Variants in HTR3C observed in about 807,000 individuals in gnomAD.
HTR3C encodes 5-HT3-C.
Under a neutral mutation model 40.5 loss-of-function variants are expected in HTR3C, and 32 were observed. That is an observed-to-expected ratio of 0.79 (90% CI 0.60 to 1.06). The LOEUF (loss-of-function observed/expected upper bound fraction) is 1.06. Among genes scored for constraint, HTR3C ranks in the 50% least tolerant of loss-of-function variants. HTR3C has a pLI of 0.00. For missense variants in HTR3C, 523 were observed against 556.8 expected, an observed-to-expected ratio of 0.94 and a Z score of 0.61; for synonymous variants, 209 against 217.1, an observed-to-expected ratio of 0.96 and a Z score of 0.33.
In HTR3C at chr3:184,058,423, C is replaced by T. The variant is rs759458608; in HGVS notation, c.560-4C>T. On this transcript the variant is annotated splice_polypyrimidine_tract_variant and splice_region_variant and intron_variant, in intron 5 of 8. Transcript: ENST00000318351. The stretch of plus-strand genomic sequence containing the variant: ...TGCAATGAACTGACCGGCCTCCCTT[C>T]CAGTGGACAGCATGCTGCTGGGCAT... 1.1e-5 allele frequency: 18 copies of T among 1,599,972 alleles called. No homozygotes were observed. The highest frequency in any genetic ancestry group is 1.5e-5 in the Non-Finnish European group (18 of 1,174,864).
In HTR3C at chr3:184,059,857, A is replaced by G; in HGVS notation, c.955A>G (p.Met319Val). 6.2e-7 allele frequency: 1 copy of G among 1,613,956 alleles called. No homozygotes were observed. The highest frequency in any genetic ancestry group is 8.5e-7 in the Non-Finnish European group (1 of 1,179,992). ...SVYFALCLSL[M>V]VVSLLETVFI... ...CTACTTCGCCCTGTGCCTGTCCCTGATGGTGGTCAGCCTGCTGGAGACCGT... is the reference window on the plus strand; with the variant it reads ...CTACTTCGCCCTGTGCCTGTCCCTGGTGGTGGTCAGCCTGCTGGAGACCGT... Residue 319 changes from methionine (M) to valine (V), a missense_variant, in exon 8 of 9, where the codon ATG becomes GTG. Transcript: ENST00000318351.
intron 3 of HTR3C, 36 bp from the exon 4 acceptor site, chr3:184,056,141 C>T (rs768906326): frequency 2.4e-5 from 33 of 1,364,016 alleles, no homozygotes; most frequent in Middle Eastern, 3.6e-4. Flanking sequence ...ACAAGCTCAC[C>T]GTCACTCACC....
rs1473419613 is a variant in HTR3C at position 184,054,704 on chromosome 3, G to T, written c.68-17G>T. The stretch of plus-strand genomic sequence containing the variant: ...GGAAATAGAGTCCCTCTCTCACGGA[G>T]TCTCTGCTCTCTATAGGAAGAGGCG... On this transcript the variant is annotated splice_polypyrimidine_tract_variant and intron_variant, in intron 1 of 8. Coordinates refer to ENST00000318351, the MANE Select transcript of HTR3C (RefSeq NM_130770.3). The T allele has an allele frequency of 6.4e-7, 1 of 1,556,164 alleles. No homozygotes were observed. The highest frequency in any genetic ancestry group is 1.4e-5 in the African/African-American group (1 of 72,496).
chr3:184,053,072 G>T lies in HTR3C; in HGVS notation c.-9G>T. 6.2e-7 allele frequency: 1 copy of T among 1,611,902 alleles called. No homozygotes were observed. ...TGGTGAATCCCCAGAGAAGAGTCCA[G>T]AAAGAAGAATGGAAGGAGGGTGGCC... On this transcript the variant is annotated 5_prime_UTR_variant, in exon 1 of 9. Coordinates refer to ENST00000318351, the MANE Select transcript of HTR3C (RefSeq NM_130770.3).
chr3:184,057,787 C>T (rs970774356), intron 5 of HTR3C, among the ~76,000 whole-genome samples: 3 of 152,098 alleles, frequency 2.0e-5, no homozygotes, highest in Non-Finnish European at 1.5e-5. Flanking sequence ...GCCTAATAAG[C>T]GCACATCACC....
chr3:184,056,299 G>T lies in HTR3C; in HGVS notation c.389+13G>T. Reference sequence around the variant, plus strand: ...TCATCGTGGAATCGTGCGTATGCAGGCTGGGGAAGCCAGCGTGAAACCTCA... The same window carrying T: ...TCATCGTGGAATCGTGCGTATGCAGTCTGGGGAAGCCAGCGTGAAACCTCA... On this transcript the variant is annotated intron_variant, in intron 4 of 8. Coordinates refer to ENST00000318351, the MANE Select transcript of HTR3C (RefSeq NM_130770.3). The T allele has an allele frequency of 6.3e-7, 1 of 1,575,636 alleles. No individual in the cohort carries two copies. The highest frequency in any genetic ancestry group is 8.7e-7 in the Non-Finnish European group (1 of 1,145,106).
At chr3:184,055,884 C>CAAAAAAAAAAAAAAAAAAAAAA (rs71185686) in intron 3 of HTR3C, among the ~76,000 whole-genome samples, 1 of 30,710 alleles carries the variant, frequency 3.3e-5, no homozygotes, top group Non-Finnish European at 5.6e-5. Flanking sequence ...AATAGCAACT[C>CAAAAAAAAAAAAAAAAAAAAAA]AAAAAAAAAA....
At chr3:184,055,499 A>C in intron 3 of HTR3C, 143 bp downstream of exon 3, 1 of 637,658 alleles carries the variant, frequency 1.6e-6, no homozygotes. Flanking sequence ...GGATCACCTG[A>C]GGTCAGGAGT....
Position 184,056,103 on chromosome 3 carries a change from A to G in HTR3C, c.280-74A>G, listed in dbSNP as rs531827499. On this transcript the variant is annotated intron_variant, in intron 3 of 8. Transcript: ENST00000318351. ...GTGGGAGGATCAAGGTTTAAAGAAG[A>G]ATGGAAAGGGTGGGAGAGGCCGACA... 2.3e-4 allele frequency: 208 copies of G among 910,254 alleles called. 3 individuals are homozygous for G. In the South Asian group the frequency reaches 2.7e-3, roughly 12 times the overall value. 56.4% of individuals were successfully genotyped at this position (910,254 alleles called of 1,614,324 possible). A position where few individuals can be genotyped will look rare whatever the true frequency, so the allele number is the denominator to read the frequency against.
Position 184,060,421 on chromosome 3 carries a change from T to A in HTR3C, c.*69T>A, listed in dbSNP as rs1723425153. On this transcript the variant is annotated 3_prime_UTR_variant, in exon 9 of 9. Coordinates refer to ENST00000318351, the MANE Select transcript of HTR3C (RefSeq NM_130770.3). The stretch of plus-strand genomic sequence containing the variant: ...GCTGGTCTTGGGCCAGCCGGACTCA[T>A]TTTCCTAATCTTAGCCACTTATCCC... The A allele has an allele frequency of 2.5e-6, 4 of 1,597,636 alleles. No homozygotes were observed. The highest frequency in any genetic ancestry group is 3.4e-6 in the Non-Finnish European group (4 of 1,165,968).
At chr3:184,057,936 A>C (rs1220394144) in intron 5 of HTR3C, among the ~76,000 whole-genome samples, 1 of 152,098 alleles carries the variant, frequency 6.6e-6, no homozygotes, top group East Asian at 1.9e-4. Context: ...GCACACCTAT[A>C]ATTTTTAGCT....
At chr3:184,056,797 C>A in intron 4 of HTR3C, 78 bp from the exon 5 acceptor site, 2 of 1,257,236 alleles carry the variant, frequency 1.6e-6, no homozygotes, top group South Asian at 1.8e-5. Context: ...AGAAGGAGAG[C>A]ACAGCAGGGG....
rs144723102 is a variant in HTR3C, at chr3:184,056,266, A to T, written c.369A>T (p.Pro123=). 195 of 1,612,712 alleles carry T rather than the reference A, an allele frequency of 1.2e-4. No individual in the cohort carries two copies. The highest frequency in any genetic ancestry group is 1.6e-4 in the Middle Eastern group (1 of 6,080). The part of the protein sequence containing the change: ...LTVLAENLWL[P]DIFIVESMDV... ...TATTAGCTGAAAACCTGTGGCTCCC[A>T]GACATCTTCATCGTGGAATCGTGCG... The change falls in exon 4 of 9, where the codon CCA becomes CCT. Residue 123 remains proline, a synonymous_variant. Transcript: ENST00000318351.
intron 6 of HTR3C, among the ~76,000 whole-genome samples, chr3:184,059,015 G>T (rs1272026632): frequency 1.3e-5 from 2 of 152,074 alleles, no homozygotes; most frequent in South Asian, 2.1e-4. Flanking sequence ...TTGGGCACCT[G>T]CTCCCCACTG....
rs1211859897 is a variant in HTR3C at position 184,055,339 on chromosome 3, T to C, written c.262T>C (p.Phe88Leu). The stretch of plus-strand genomic sequence containing the variant: ...TGCACAGCTCCAGCTGCTGACATCA[T>C]TCCTGTGGATGGATTTGGTAAGGCA... The part of the protein sequence containing the change: ...VDAQLQLLTS[F>L]LWMDLVWDNP... Residue 88 changes from phenylalanine (F) to leucine (L), a missense_variant, in exon 3 of 9, where the codon TTC (phenylalanine) becomes CTC (leucine). By Grantham distance (22) the Phe-to-Leu change is conservative (BLOSUM62 0). Transcript: ENST00000318351. The C allele has an allele frequency of 1.2e-6, 2 of 1,608,420 alleles. No homozygotes were observed. Among genetic ancestry groups the C allele is most frequent in the Non-Finnish European group, 1.7e-6 (2 of 1,174,776 alleles).
Position 184,053,154 on chromosome 3 carries a change from TG to T in HTR3C, c.67+10del, listed in dbSNP as rs1560079928. On this transcript the variant is annotated splice_region_variant and intron_variant, in intron 1 of 8. Transcript: ENST00000318351. ...GTCAGTCTTCTGCTTCAAGGTAAGA[TG>T]GGACGAGAACAGGGAAGACCAGAGT... The T allele has an allele frequency of 1.2e-6, 2 of 1,612,276 alleles. No individual in the cohort carries two copies. The highest frequency in any genetic ancestry group is 2.2e-5 in the South Asian group (2 of 91,042).
chr3:184,054,672 C>T, intron 1 of HTR3C, 49 bp from the exon 2 acceptor site: 3 of 1,469,890 alleles, frequency 2.0e-6, no homozygotes, highest in Non-Finnish European at 2.7e-6. Flanking sequence ...AGAGAGACTC[C>T]AGCCCTGGAA....
In HTR3C at chr3:184,054,879, C is replaced by G. The variant is rs757783719; in HGVS notation, c.226C>G (p.Leu76Val). 3.1e-6 allele frequency: 5 copies of G among 1,604,420 alleles called. No individual in the cohort carries two copies. The African/African-American group carries it at 6.7e-5, about 22-fold the overall frequency. ...CATCTCCTTCACCCTGTCTGCCATCCTGGGAGTGGTGAGACTTAGTCCCTG... is the reference window on the plus strand; with the variant it reads ...CATCTCCTTCACCCTGTCTGCCATCGTGGGAGTGGTGAGACTTAGTCCCTG... ...VNISFTLSAILGVDAQLQLLT... is the reference protein window; with the variant it reads ...VNISFTLSAIVGVDAQLQLLT... The change falls in exon 2 of 9, where the codon CTG (leucine) becomes GTG (valine). Residue 76 changes from leucine (L) to valine (V), a missense_variant. Coordinates refer to ENST00000318351, the MANE Select transcript of HTR3C (RefSeq NM_130770.3).
At chr3:184,059,683 G>GC (rs763390348) in intron 7 of HTR3C, 43 bp downstream of exon 7, 1 of 1,609,302 alleles carries the variant, frequency 6.2e-7, no homozygotes, top group South Asian at 1.1e-5. Flanking sequence ...GGCACCCGGG[G>GC]CCAGGGAGGA....
Sources: gnomAD v4.1 joint callset for allele counts (sites outside exome capture counted in the v4.1 genomes callset) on GRCh38, gnomAD v4.1.1 for gene constraint, MANE v1.5 for transcripts, NCBI Gene and HGNC (gene_info 2026-07-23, HGNC 2026-07-21) for gene names.